Variants in PXK observed in about 807,000 individuals in gnomAD.
PXK encodes the protein PX domain containing serine/threonine kinase like.
In PXK, 35 loss-of-function variants were observed where a neutral mutation model predicts 84.7. The observed-to-expected ratio is 0.41, with a 90% CI of 0.32 to 0.55. The LOEUF (loss-of-function observed/expected upper bound fraction) is 0.55. Ranked by LOEUF, PXK falls within the 20% of genes least tolerant of loss-of-function variation. The probability of loss-of-function intolerance (pLI) is 0.21; values close to 1 mark genes in which losing one functional copy is unlikely to be tolerated. For synonymous variants in PXK, 253 were observed against 260.8 expected (o/e 0.97, Z 0.29); for missense variants, 634 against 699.7 (o/e 0.91, Z 1.06).
intron 4 of PXK, among the ~76,000 whole-genome samples, chr3:58,388,989 C>T (rs1350339551): frequency 2.0e-5 from 3 of 151,970 alleles, no homozygotes; most frequent in South Asian, 2.1e-4. Flanking sequence ...GGAATGGCTT[C>T]ATTTACTCAC....
intron 9 of PXK, among the ~76,000 whole-genome samples, chr3:58,396,037 C>A (rs949716612): frequency 6.6e-6 from 1 of 152,134 alleles, no homozygotes; most frequent in Non-Finnish European, 1.5e-5. Context: ...TCTTTGGTTG[C>A]TCTTTATCCC....
In PXK at chr3:58,397,372, G is replaced by T. The variant is rs529548985; in HGVS notation, c.984+172G>T. 3.3e-5 allele frequency among the ~76,000 whole-genome samples: 5 copies of T among 152,302 alleles called. No homozygotes were observed. In the South Asian group the frequency reaches 6.2e-4, roughly 19 times the overall value. ...TCTGGGAGGCTGAGTTGAAATGGCG[G>T]GTGGGGTAAGGAGGGAGGTGGACTC... On this transcript the variant is annotated intron_variant, in intron 10 of 17. Coordinates refer to ENST00000356151, the MANE Select transcript of PXK (RefSeq NM_017771.5). The surrounding 1 kb of genome is among the most constrained non-coding windows in gnomAD (Gnocchi z 4.7).
Position 58,399,503 on chromosome 3 carries a change from G to A in PXK, c.1181+126G>A. Reference sequence around the variant, plus strand: ...CCTGCAGAGTTGGCGTGGCCTGCTTGCTGATGGGCACTTGCAGCATGATAT... The same window carrying A: ...CCTGCAGAGTTGGCGTGGCCTGCTTACTGATGGGCACTTGCAGCATGATAT... On this transcript the variant is annotated intron_variant, in intron 12 of 17. Transcript: ENST00000356151. The surrounding 1 kb of genome is among the most constrained non-coding windows in gnomAD (Gnocchi z 4.3). The A allele has an allele frequency of 1.1e-6, 1 of 883,876 alleles. No homozygotes were observed. Among genetic ancestry groups the A allele is most frequent in the Middle Eastern group, 2.4e-4 (1 of 4,168 alleles). The allele number at this position is 883,876 out of a possible 1,614,324, so 54.8% of individuals were successfully genotyped here. A position where few individuals can be genotyped will look rare whatever the true frequency, so the allele number is the denominator to read the frequency against.
At position 58,398,816 on chromosome 3, in the gene PXK, G is replaced by A. The variant is rs1228600506; in HGVS notation, c.1103-483G>A. Among the ~76,000 whole-genome samples the A allele has an allele frequency of 6.6e-6, 1 of 152,186 alleles. No individual in the cohort carries two copies. Among genetic ancestry groups the A allele is most frequent in the African/African-American group, 2.4e-5 (1 of 41,446 alleles). ...GACTATATTGTGTTGAATTTGAACC[G>A]CTGAAACTGAACAGTGACCTGTGGG... On this transcript the variant is annotated intron_variant, in intron 11 of 17. Coordinates refer to ENST00000356151, the MANE Select transcript of PXK (RefSeq NM_017771.5). This position sits in a 1 kb window ranked among gnomAD's most constrained non-coding sequence, Gnocchi z 4.5.
At chr3:58,366,915 G>A (rs375124648) in intron 2 of PXK, among the ~76,000 whole-genome samples, 181 of 152,250 alleles carry the variant, frequency 1.2e-3, no homozygotes, top group African/African-American at 4.0e-3. Flanking sequence ...ACCACTCTAC[G>A]ATCTTTTGCT....
chr3:58,333,782 G>C lies in PXK; in HGVS notation c.102+692G>C, dbSNP rs1220339259. Among the ~76,000 whole-genome samples, 1 of 152,090 alleles carries C rather than the reference G, an allele frequency of 6.6e-6. No homozygotes were observed. On this transcript the variant is annotated intron_variant, in intron 1 of 17. Transcript: ENST00000356151. This position sits in a 1 kb window ranked among gnomAD's most constrained non-coding sequence, Gnocchi z 5.4. Reference sequence around the variant, plus strand: ...ACTCGAGTAGCATAAAGGAGTAATAGGTCCTCATAGTAAACATTGGCAGGG... The same window carrying C: ...ACTCGAGTAGCATAAAGGAGTAATACGTCCTCATAGTAAACATTGGCAGGG...
intron 1 of PXK, among the ~76,000 whole-genome samples, chr3:58,336,315 G>T (rs73835174): frequency 0.046 from 6,987 of 151,950 alleles, 568 homozygotes; most frequent in African/African-American, 0.16. Flanking sequence ...GGAACACAAG[G>T]TCACCACCAG....
rs939554609 is a variant in PXK at position 58,333,561 on chromosome 3, C to G, written c.102+471C>G. 2.2e-6 allele frequency: 1 copy of G among 456,624 alleles called. No homozygotes were observed. The highest frequency in any genetic ancestry group is 2.0e-5 in the African/African-American group (1 of 50,084). 28.3% of individuals were successfully genotyped at this position (456,624 alleles called of 1,614,324 possible). A position where few individuals can be genotyped will look rare whatever the true frequency, so the allele number is the denominator to read the frequency against. Reference sequence around the variant, plus strand: ...GTGTGCCGGGCCAAATGAAGTGTGACTCCAGAGCCTACTTGTTGGGACAGC... The same window carrying G: ...GTGTGCCGGGCCAAATGAAGTGTGAGTCCAGAGCCTACTTGTTGGGACAGC... On this transcript the variant is annotated intron_variant, in intron 1 of 17. Coordinates refer to ENST00000356151, the MANE Select transcript of PXK (RefSeq NM_017771.5). The surrounding 1 kb of genome is among the most constrained non-coding windows in gnomAD (Gnocchi z 5.4).
chr3:58,369,409 C>A, intron 2 of PXK, 22 bp from the exon 3 acceptor site: 1 of 1,588,636 alleles, frequency 6.3e-7, no homozygotes, highest in Admixed American at 1.7e-5. Context: ...TGAATCAAAA[C>A]ACTACTTCTT....
chr3:58,378,507 TTTTTTTGTGTGTG>T (rs1466891738), intron 3 of PXK, among the ~76,000 whole-genome samples: 4 of 105,078 alleles, frequency 3.8e-5, no homozygotes, highest in African/African-American at 1.2e-4. Flanking sequence ...TTTTTTTTTT[TTTTTTTGTGTGTG>T]TGTGTGTGTG....
intron 1 of PXK, 111 bp from the exon 2 acceptor site, chr3:58,365,763 C>T: frequency 3.7e-6 from 3 of 802,032 alleles, no homozygotes; most frequent in Non-Finnish European, 5.6e-6. Context: ...GGTAAATTTC[C>T]TTGCTCTGAA....
In PXK at chr3:58,378,507, TTTTTTTG is replaced by T. The variant is rs1436896156; in HGVS notation, c.202-4005_202-3999del. On this transcript the variant is annotated intron_variant, in intron 3 of 17. Coordinates refer to ENST00000356151, the MANE Select transcript of PXK (RefSeq NM_017771.5). ...CATTTTTCTTCTTTTTTTTTTTTTT[TTTTTTTG>T]TGTGTGTGTGTGTGTGTGTGTGTGT... Among the ~76,000 whole-genome samples the T allele has an allele frequency of 6.9e-3, 720 of 104,892 alleles. 1 individual carries two copies. The highest frequency in any genetic ancestry group is 0.012 in the Middle Eastern group (3 of 244). 68.8% of individuals were successfully genotyped at this position (104,892 alleles called of 152,430 possible). A position where few individuals can be genotyped will look rare whatever the true frequency, so the allele number is the denominator to read the frequency against.
rs553474021 is a variant in PXK, at chr3:58,401,692, C to T, written c.1182-2170C>T. Among the ~76,000 whole-genome samples, 2 of 151,410 alleles carry T rather than the reference C, an allele frequency of 1.3e-5. No individual in the cohort carries two copies. Among genetic ancestry groups the T allele is most frequent in the African/African-American group, 2.4e-5 (1 of 41,232 alleles). On this transcript the variant is annotated intron_variant, in intron 12 of 17. Transcript: ENST00000356151. This position sits in a 1 kb window ranked among gnomAD's most constrained non-coding sequence, Gnocchi z 4.4. The stretch of plus-strand genomic sequence containing the variant: ...CTGTAATCCCAGCACTTTAGGAGGC[C>T]AAGGCAGGTGGATCACAAGGTCAGG...
Position 58,382,492 on chromosome 3 carries a change from CTT to C in PXK, c.202-6_202-5del, listed in dbSNP as rs10662181. Reference sequence around the variant, plus strand: ...TTATTTGTGGATGACATGAGTGTAACTTTTTTTTTTTTTTTTTAAAGATTGCA... The same window carrying C: ...TTATTTGTGGATGACATGAGTGTAACTTTTTTTTTTTTTTTAAAGATTGCA... On this transcript the variant is annotated intron_variant, in intron 3 of 17. Coordinates refer to ENST00000356151, the MANE Select transcript of PXK (RefSeq NM_017771.5). 1.2e-3 allele frequency: 1,581 copies of C among 1,276,322 alleles called. No homozygotes were observed. The highest frequency in any genetic ancestry group is 3.6e-3 in the South Asian group (196 of 54,628). 79.1% of individuals were successfully genotyped at this position (1,276,322 alleles called of 1,614,324 possible).
intron 1 of PXK, among the ~76,000 whole-genome samples, chr3:58,355,437 C>T (rs1015867809): frequency 1.3e-5 from 2 of 152,170 alleles, no homozygotes; most frequent in African/African-American, 2.4e-5. Context: ...TGAAGGTTTG[C>T]GTAAGTTTTG....
At chr3:58,344,721 A>C (rs2097787595) in intron 1 of PXK, among the ~76,000 whole-genome samples, 1 of 152,188 alleles carries the variant, frequency 6.6e-6, no homozygotes, top group Non-Finnish European at 1.5e-5. Flanking sequence ...CCAGCTACTC[A>C]GGAGGCTGAG....
chr3:58,377,218 G>A (rs1485406483), intron 3 of PXK, among the ~76,000 whole-genome samples: 4 of 151,630 alleles, frequency 2.6e-5, no homozygotes, highest in Non-Finnish European at 5.9e-5. Context: ...AGAATTATCC[G>A]CCAACCTTTT....
intron 17 of PXK, among the ~76,000 whole-genome samples, chr3:58,423,728 CAG>C (rs1188559820): frequency 6.6e-6 from 1 of 152,192 alleles, no homozygotes; most frequent in Non-Finnish European, 1.5e-5. Context: ...GACAGAGTCT[CAG>C]AGAGCTGCAA....
rs1397282790 is a variant in PXK, at chr3:58,398,855, C to T, written c.1103-444C>T. Among the ~76,000 whole-genome samples the T allele has an allele frequency of 6.6e-6, 1 of 152,192 alleles. No homozygotes were observed. The highest frequency in any genetic ancestry group is 1.5e-5 in the Non-Finnish European group (1 of 68,030). On this transcript the variant is annotated intron_variant, in intron 11 of 17. Coordinates refer to ENST00000356151, the MANE Select transcript of PXK (RefSeq NM_017771.5). The surrounding 1 kb of genome is among the most constrained non-coding windows in gnomAD (Gnocchi z 4.5). Reference sequence around the variant, plus strand: ...GTGACCTGTGGGTAGAAAAATCTGGCTGCTCCTGTTAATAGCATCCAAGGT... The same window carrying T: ...GTGACCTGTGGGTAGAAAAATCTGGTTGCTCCTGTTAATAGCATCCAAGGT...
Sources: allele counts gnomAD v4.1 joint callset (sites outside exome capture counted in the v4.1 genomes callset), GRCh38; gene constraint gnomAD v4.1.1; non-coding constraint Gnocchi (gnomAD v3.1); transcripts MANE v1.5; gene names NCBI Gene and HGNC (gene_info 2026-07-23, HGNC 2026-07-21).